Variants in EML6 observed in about 807,000 individuals in gnomAD.
EML6 encodes echinoderm microtubule-associated protein-like 6.
EML6 carries 154 observed loss-of-function variants against 240.1 expected under a neutral mutation model. The ratio of observed to expected loss-of-function variants is 0.64; its 90% CI spans 0.56 to 0.73. EML6 has a LOEUF of 0.73. Among genes scored for constraint, EML6 ranks in the 30% least tolerant of loss-of-function variants. The probability of loss-of-function intolerance (pLI) is 0.00; values close to 1 mark genes in which losing one functional copy is unlikely to be tolerated. For synonymous variants in EML6, 1,148 were observed against 899.0 expected (o/e 1.28, Z -4.95); for missense variants, 2,964 against 2,474.6 (o/e 1.20, Z -4.20).
Position 54,954,153 on chromosome 2 carries a change from G to C in EML6, c.4483G>C (p.Glu1495Gln). The C allele has an allele frequency of 1.3e-6, 2 of 1,550,754 alleles. No individual in the cohort carries two copies. The highest frequency in any genetic ancestry group is 1.7e-6 in the Non-Finnish European group (2 of 1,146,578). ...EHTITVWRWQ[E>Q]GAKVASRGGH... ...CACCATCACTGTCTGGCGATGGCAG[G>C]AAGGTAAACCAGCACTGGGCTTTCT... Residue 1495 changes from glutamate (E) to glutamine (Q), a missense_variant, in exon 32 of 42, where the codon GAA becomes CAA. Transcript: ENST00000356458.
chr2:54,860,476 A>G (rs1400428403), intron 12 of EML6, among the ~76,000 whole-genome samples: 2 of 152,156 alleles, frequency 1.3e-5, no homozygotes, highest in Non-Finnish European at 2.9e-5. Flanking sequence ...CCAATATGCA[A>G]CAGGGATTTA....
intron 2 of EML6, among the ~76,000 whole-genome samples, chr2:54,733,897 A>G (rs1683276661): frequency 6.6e-6 from 1 of 152,216 alleles, no homozygotes; most frequent in Non-Finnish European, 1.5e-5. Flanking sequence ...CTGAGAGAGA[A>G]TAAATGGCAA....
chr2:54,957,661 A>C, intron 32 of EML6, 129 bp from the exon 33 acceptor site: 1 of 776,746 alleles, frequency 1.3e-6, no homozygotes, highest in Non-Finnish European at 2.1e-6. Flanking sequence ...TCTGAAGGGG[A>C]GAGAGTGCTG....
intron 16 of EML6, among the ~76,000 whole-genome samples, chr2:54,876,267 A>C (rs540352149): frequency 6.6e-6 from 1 of 152,278 alleles, no homozygotes; most frequent in African/African-American, 2.4e-5. Flanking sequence ...AAGGTAGCCA[A>C]TTTTATTTCC....
At chr2:54,862,975 GC>G (rs1274456338) in intron 12 of EML6, among the ~76,000 whole-genome samples, 6 of 152,226 alleles carry the variant, frequency 3.9e-5, no homozygotes, top group African/African-American at 7.2e-5. Flanking sequence ...AATGTAAGTG[GC>G]CTTCAGAATG....
intron 9 of EML6, among the ~76,000 whole-genome samples, chr2:54,848,965 G>A (rs988346026): frequency 1.1e-4 from 16 of 152,040 alleles, no homozygotes; most frequent in African/African-American, 2.7e-4. Flanking sequence ...ACAGTCACTC[G>A]TTTCTTAAAG....
chr2:54,953,007 G>A (rs1407505031), intron 31 of EML6, among the ~76,000 whole-genome samples: 2 of 152,110 alleles, frequency 1.3e-5, no homozygotes, highest in African/African-American at 4.8e-5. Flanking sequence ...GCTGGTTATT[G>A]TGCTTGGCCA....
intron 26 of EML6, among the ~76,000 whole-genome samples, chr2:54,918,167 C>G: frequency 6.6e-6 from 1 of 152,260 alleles, no homozygotes; most frequent in Middle Eastern, 3.4e-3. Flanking sequence ...AGTGTTCCAT[C>G]CTATCTGTAT....
At chr2:54,830,851 C>G (rs1668834338) in intron 7 of EML6, among the ~76,000 whole-genome samples, 1 of 152,142 alleles carries the variant, frequency 6.6e-6, no homozygotes, top group South Asian at 2.1e-4. Flanking sequence ...GGATTGGACT[C>G]TTGTCTTCTC....
intron 16 of EML6, among the ~76,000 whole-genome samples, 200 bp from the exon 17 acceptor site, chr2:54,879,347 A>T (rs1201857899): frequency 6.6e-6 from 1 of 152,224 alleles, no homozygotes; most frequent in Non-Finnish European, 1.5e-5. Flanking sequence ...GTATTAAAAT[A>T]TAATTGTACA....
chr2:54,960,862 G>A (rs1052703293), intron 35 of EML6, among the ~76,000 whole-genome samples: 45 of 152,074 alleles, frequency 3.0e-4, no homozygotes, highest in African/African-American at 9.2e-4. Context: ...ACCTGGAGCT[G>A]GTGAATCAGA....
chr2:54,806,009 T>G (rs1320535087), intron 2 of EML6, among the ~76,000 whole-genome samples: 1 of 152,188 alleles, frequency 6.6e-6, no homozygotes, highest in Non-Finnish European at 1.5e-5. Flanking sequence ...GATTTGTATG[T>G]CTATCCTTAT....
intron 2 of EML6, 147 bp from the exon 3 acceptor site, chr2:54,813,085 C>G: frequency 3.3e-6 from 2 of 606,328 alleles, no homozygotes; most frequent in Non-Finnish European, 5.7e-6. Context: ...TTAGTCAAAT[C>G]AAGTAATTAA....
At chr2:54,846,821 C>T (rs1457479288) in intron 8 of EML6, among the ~76,000 whole-genome samples, 2 of 151,774 alleles carry the variant, frequency 1.3e-5, no homozygotes, top group African/African-American at 2.4e-5. Flanking sequence ...GGCATCTTAT[C>T]CTGTAAGTAC....
At chr2:54,965,112 G>T (rs1573229155) in intron 38 of EML6, among the ~76,000 whole-genome samples, 1 of 152,262 alleles carries the variant, frequency 6.6e-6, no homozygotes, top group African/African-American at 2.4e-5. Flanking sequence ...GGGTAGAATG[G>T]CCCCTCCATA....
chr2:54,931,394 T>C (rs1177474875), intron 28 of EML6, among the ~76,000 whole-genome samples: 1 of 152,070 alleles, frequency 6.6e-6, no homozygotes, highest in African/African-American at 2.4e-5. Context: ...TTAGTCCTCA[T>C]CTAGGGTATA....
At chr2:54,939,647 C>T (rs894142967) in intron 28 of EML6, among the ~76,000 whole-genome samples, 1 of 152,168 alleles carries the variant, frequency 6.6e-6, no homozygotes, top group Non-Finnish European at 1.5e-5. Context: ...TTATCCTCCC[C>T]GCTCCCTGCA....
At chr2:54,740,763 G>C (rs558270324) in intron 2 of EML6, among the ~76,000 whole-genome samples, 8 of 151,462 alleles carry the variant, frequency 5.3e-5, no homozygotes, top group African/African-American at 1.5e-4. Flanking sequence ...TTGCTTCTTG[G>C]TAAAAAGACT....
intron 26 of EML6, among the ~76,000 whole-genome samples, chr2:54,922,013 C>G (rs1271618018): frequency 6.6e-6 from 1 of 152,116 alleles, no homozygotes; most frequent in Non-Finnish European, 1.5e-5. Flanking sequence ...TTGGTCTTGG[C>G]AGTGATTTCT....
Sources: gnomAD v4.1 joint callset for allele counts (sites outside exome capture counted in the v4.1 genomes callset) on GRCh38, gnomAD v4.1.1 for gene constraint, MANE v1.5 for transcripts, NCBI Gene and HGNC (gene_info 2026-07-23, HGNC 2026-07-21) for gene names.